Variants in LSAMP observed in about 807,000 individuals in gnomAD.
LSAMP encodes limbic system associated membrane protein.
A neutral mutation model predicts 38.6 loss-of-function variants in LSAMP; 7 were observed. That is an observed-to-expected ratio of 0.18 (90% CI 0.10 to 0.34). The LOEUF (loss-of-function observed/expected upper bound fraction) is 0.34, where lower values mean the gene tolerates loss of function less well. Ranked by LOEUF, LSAMP falls within the 10% of genes least tolerant of loss-of-function variation. The pLI is 1.00. For synonymous variants in LSAMP, 154 were observed against 166.8 expected (o/e 0.92, Z 0.59); for missense variants, 313 against 420.0 (o/e 0.75, Z 2.23).
intron 6 of LSAMP, among the ~76,000 whole-genome samples, chr3:115,826,099 T>TTA (rs1559838001): frequency 7.4e-6 from 1 of 134,538 alleles, no homozygotes; most frequent in African/African-American, 3.4e-5. Flanking sequence ...TCTCTTTCTG[T>TTA]CTTTTATTTT....
At chr3:116,112,557 G>A (rs1708639359) in intron 1 of LSAMP, among the ~76,000 whole-genome samples, 1 of 152,172 alleles carries the variant, frequency 6.6e-6, no homozygotes, top group South Asian at 2.1e-4. Flanking sequence ...CAGTCCTTCA[G>A]TATTTTAATA....
chr3:116,240,407 G>A (rs1278300816), intron 1 of LSAMP, among the ~76,000 whole-genome samples: 1 of 152,094 alleles, frequency 6.6e-6, no homozygotes, highest in Non-Finnish European at 1.5e-5. Flanking sequence ...ATCCACACTA[G>A]CAAGATTAAA....
In LSAMP at chr3:115,930,002, G is replaced by GTTTTTTTTTTTTT. The variant is rs1170325465; in HGVS notation, c.515-77398_515-77386dup. ...ATCCAGATCTATAAATTTAGCAGAAGTTTTTTTTTTTTTTTTTTTTTTTTG... is the reference window on the plus strand; with the variant it reads ...ATCCAGATCTATAAATTTAGCAGAAGTTTTTTTTTTTTTTTTTTTTTTTTTTTTTTTTTTTTTG... On this transcript the variant is annotated intron_variant, in intron 3 of 6. Transcript: ENST00000490035. 6.2e-5 allele frequency among the ~76,000 whole-genome samples: 5 copies of GTTTTTTTTTTTTT among 80,294 alleles called. 1 individual carries two copies. The highest frequency in any genetic ancestry group is 9.5e-5 in the African/African-American group (2 of 21,038). The allele number at this position is 80,294 out of a possible 152,430, so 52.7% of individuals were successfully genotyped here. A position where few individuals can be genotyped will look rare whatever the true frequency, so the allele number is the denominator to read the frequency against.
At chr3:116,425,427 A>C (rs1302277643) in intron 1 of LSAMP, among the ~76,000 whole-genome samples, 1 of 152,230 alleles carries the variant, frequency 6.6e-6, no homozygotes, top group Non-Finnish European at 1.5e-5. Flanking sequence ...CACGTGGAAC[A>C]TGGAAGATAA....
chr3:115,896,541 G>A (rs960936320), intron 3 of LSAMP, among the ~76,000 whole-genome samples: 12 of 152,064 alleles, frequency 7.9e-5, no homozygotes, highest in African/African-American at 2.9e-4. Flanking sequence ...CAAGATACTG[G>A]GGTCATCCTG....
intron 1 of LSAMP, among the ~76,000 whole-genome samples, chr3:116,410,677 T>C (rs890440809): frequency 6.6e-6 from 1 of 152,066 alleles, no homozygotes; most frequent in African/African-American, 2.4e-5. Flanking sequence ...AACTCTATGA[T>C]GCTTCCTAGA....
At chr3:116,330,871 TAAAG>T (rs1419493761) in intron 1 of LSAMP, among the ~76,000 whole-genome samples, 1 of 151,798 alleles carries the variant, frequency 6.6e-6, no homozygotes, top group Non-Finnish European at 1.5e-5. Context: ...ATAAAGCATA[TAAAG>T]AAAGAAGGTA....
chr3:116,443,308 A>T lies in LSAMP; in HGVS notation c.155+1569T>A, dbSNP rs554973609. Among the ~76,000 whole-genome samples, 4 of 152,368 alleles carry T rather than the reference A, an allele frequency of 2.6e-5. No individual in the cohort carries two copies. The South Asian group carries it at 8.3e-4, about 32-fold the overall frequency. On this transcript the variant is annotated intron_variant, in intron 1 of 6. Coordinates refer to ENST00000490035, the MANE Select transcript of LSAMP (RefSeq NM_002338.5). ...ATTACTCCATGTGGATAAATCACAC[A>T]TGCAGGTTTATAAGGCTGAAGAGCT... is the stretch of plus-strand genomic sequence containing the variant.
At chr3:116,215,937 T>G (rs2107611303) in intron 1 of LSAMP, among the ~76,000 whole-genome samples, 1 of 152,330 alleles carries the variant, frequency 6.6e-6, no homozygotes, top group East Asian at 1.9e-4. Context: ...ACCTACACAT[T>G]AATATTGTTT....
At chr3:116,199,295 C>T (rs1310182923) in intron 1 of LSAMP, among the ~76,000 whole-genome samples, 3 of 152,090 alleles carry the variant, frequency 2.0e-5, no homozygotes, top group African/African-American at 7.2e-5. Context: ...CTTTAAAACT[C>T]AGTTCAGTTA....
At chr3:116,432,132 A>T (rs976350273) in intron 1 of LSAMP, among the ~76,000 whole-genome samples, 3 of 151,908 alleles carry the variant, frequency 2.0e-5, no homozygotes, top group African/African-American at 7.2e-5. Flanking sequence ...TGCCTCTTAT[A>T]TATCGTATCT....
At chr3:115,939,571 T>TCTTTCTTTCTTTCC (rs2107555864) in intron 3 of LSAMP, among the ~76,000 whole-genome samples, 1 of 50,852 alleles carries the variant, frequency 2.0e-5, no homozygotes, top group East Asian at 2.3e-3. Context: ...TTTCTTTCTT[T>TCTTTCTTTCTTTCC]CTTTCTTTCT....
At chr3:116,015,550 T>C (rs1940456758) in intron 3 of LSAMP, among the ~76,000 whole-genome samples, 1 of 152,126 alleles carries the variant, frequency 6.6e-6, no homozygotes, top group African/African-American at 2.4e-5. Flanking sequence ...TTTTGAACTA[T>C]ATAACTGAAG....
intron 3 of LSAMP, among the ~76,000 whole-genome samples, chr3:115,876,258 A>T (rs201332842): frequency 0.19 from 27,554 of 144,368 alleles, 3,404 homozygotes; most frequent in African/African-American, 0.33. Flanking sequence ...TTCTGATTTA[A>T]AAAAAAAAAA....
intron 1 of LSAMP, among the ~76,000 whole-genome samples, chr3:116,378,310 C>G (rs2048517527): frequency 6.6e-6 from 1 of 152,056 alleles, no homozygotes; most frequent in African/African-American, 2.4e-5. Flanking sequence ...TTACCAGACT[C>G]TTGCTGGCAC....
chr3:116,435,944 G>A (rs770267914), intron 1 of LSAMP, among the ~76,000 whole-genome samples: 1 of 152,142 alleles, frequency 6.6e-6, no homozygotes, highest in African/African-American at 2.4e-5. Context: ...AAATTCAGAT[G>A]AGAAGACTGA....
intron 6 of LSAMP, among the ~76,000 whole-genome samples, chr3:115,827,335 GC>G (rs1182102717): frequency 1.0e-5 from 1 of 99,950 alleles, no homozygotes; most frequent in Non-Finnish European, 2.5e-5. Flanking sequence ...ATTTTCTACT[GC>G]TTTTTTTTTT....
Position 116,151,244 on chromosome 3 carries a change from G to A in LSAMP, c.156-64688C>T, listed in dbSNP as rs114738741. Among the ~76,000 whole-genome samples, 236 of 152,120 alleles carry A rather than the reference G, an allele frequency of 1.6e-3. 1 individual carries two copies. Among genetic ancestry groups the A allele is most frequent in the Admixed American group, 3.1e-3 (47 of 15,254 alleles). On this transcript the variant is annotated intron_variant, in intron 1 of 6. Coordinates refer to ENST00000490035, the MANE Select transcript of LSAMP (RefSeq NM_002338.5). The stretch of plus-strand genomic sequence containing the variant: ...AATTTATGACCATGAGAGAAATGAT[G>A]CACAGAGTGCCCTGGGTTACAGAAA...
intron 6 of LSAMP, among the ~76,000 whole-genome samples, chr3:115,835,391 A>G (rs1271973034): frequency 6.6e-6 from 1 of 152,220 alleles, no homozygotes; most frequent in East Asian, 1.9e-4. Context: ...GACAGAGTTC[A>G]GAATTTAAGG....
Sources: gnomAD v4.1 joint callset for allele counts (sites outside exome capture counted in the v4.1 genomes callset) on GRCh38, gnomAD v4.1.1 for gene constraint, MANE v1.5 for transcripts, NCBI Gene and HGNC (gene_info 2026-07-23, HGNC 2026-07-21) for gene names.